The following C15orf40 variants were observed in gnomAD, a reference collection of about 807,000 sequenced individuals.
C15orf40 encodes the protein chromosome 15 open reading frame 40, also known as UPF0235 protein C15orf40.
In C15orf40, 9 loss-of-function variants were observed where a neutral mutation model predicts 13.9. The observed-to-expected ratio is 0.65, with a 90% CI of 0.39 to 1.13. The LOEUF (loss-of-function observed/expected upper bound fraction) is 1.13, where lower values mean the gene tolerates loss of function less well. Among genes scored for constraint, C15orf40 ranks in the 50% most tolerant of loss-of-function variants. The probability of loss-of-function intolerance (pLI) is 0.01; values close to 1 mark genes in which losing one functional copy is unlikely to be tolerated. For synonymous variants in C15orf40, 95 were observed against 69.2 expected, an observed-to-expected ratio of 1.37 and a Z score of -1.85; for missense variants, 225 against 188.5, an observed-to-expected ratio of 1.19 and a Z score of -1.13.
rs1179716878 is a variant in C15orf40 at position 82,995,245 on chromosome 15, A to G, written c.*10352T>C. ...AGTGGCCCTGGGCCAGGCTGGCTGC[A>G]TGGGTCCCAATCAGTGGGGCTGCAC... On this transcript the variant is annotated 3_prime_UTR_variant, in exon 4 of 4. Coordinates refer to ENST00000304177, the MANE Select transcript of C15orf40 (RefSeq NM_144597.3). 6.6e-6 allele frequency: 1 copy of G among 151,742 alleles called. No individual in the cohort carries two copies. The highest frequency in any genetic ancestry group is 6.5e-5 in the Admixed American group (1 of 15,274). 9.4% of individuals were successfully genotyped at this position (151,742 alleles called of 1,614,324 possible).
rs2031003922 is a variant in C15orf40 at position 82,995,186 on chromosome 15, A to G, written c.*10411T>C. ...TTGAGGAAAATAAGGATGGAAGTAG[A>G]GATCCCTTGACTTGTGCACATTCTG... On this transcript the variant is annotated 3_prime_UTR_variant, in exon 4 of 4. Coordinates refer to ENST00000304177, the MANE Select transcript of C15orf40 (RefSeq NM_144597.3). The G allele has an allele frequency of 6.6e-6, 1 of 152,224 alleles. No individual in the cohort carries two copies. The allele number at this position is 152,224 out of a possible 1,614,324, so 9.4% of individuals were successfully genotyped here.
At chr15:82,990,723 ACAT>A, downstream of C15orf40, 2 of 1,305,082 alleles carry the variant, frequency 1.5e-6, no homozygotes, top group Non-Finnish European at 2.2e-6. Flanking sequence ...ATAAGGGTAC[ACAT>A]CATTTTATAC....
downstream of C15orf40, chr15:82,990,748 C>G: frequency 9.1e-7 from 1 of 1,098,190 alleles, no homozygotes; most frequent in Admixed American, 2.1e-5. Flanking sequence ...AACACTAAAG[C>G]TTTTTGCTAA....
At chr15:82,991,015 T>C (rs2030838920), downstream of C15orf40, 1 of 174,444 alleles carries the variant, frequency 5.7e-6, no homozygotes, top group Non-Finnish European at 1.2e-5. Context: ...AATGATTTCA[T>C]TCAAATAAAA....
chr15:83,008,972 C>G (rs1400242274), intron 2 of C15orf40, among the ~76,000 whole-genome samples: 1 of 152,118 alleles, frequency 6.6e-6, no homozygotes, highest in Non-Finnish European at 1.5e-5. Flanking sequence ...CTGGAAATTG[C>G]CCTTGGTATG....
Position 83,005,313 on chromosome 15 carries a change from T to A in C15orf40, c.*284A>T. The A allele has an allele frequency of 2.1e-6, 2 of 971,836 alleles. No individual in the cohort carries two copies. Among genetic ancestry groups the A allele is most frequent in the South Asian group, 7.4e-5 (2 of 27,088 alleles). The allele number at this position is 971,836 out of a possible 1,614,324, so 60.2% of individuals were successfully genotyped here. On this transcript the variant is annotated 3_prime_UTR_variant, in exon 4 of 4. Coordinates refer to ENST00000304177, the MANE Select transcript of C15orf40 (RefSeq NM_144597.3). Reference sequence around the variant, plus strand: ...TCTTTTTTTTCGGGGGGAGAGAGTTTCACTCTTGTTGCCCAGGCTGGAGTG... The same window carrying A: ...TCTTTTTTTTCGGGGGGAGAGAGTTACACTCTTGTTGCCCAGGCTGGAGTG...
intron 3 of C15orf40, chr15:83,007,933 T>C (rs533062583): frequency 1.0e-4 from 16 of 153,194 alleles, no homozygotes; most frequent in Middle Eastern, 3.3e-3. Context: ...GGCTCACGCC[T>C]GTAATCCCAG....
chr15:82,991,193 A>C (rs987005472), downstream of C15orf40: 2 of 152,870 alleles, frequency 1.3e-5, no homozygotes, highest in Non-Finnish European at 2.9e-5. Flanking sequence ...ACATAGGTCA[A>C]AGGAATTAAC....
In C15orf40 at chr15:83,008,541, G is replaced by C. The variant is rs201017968; in HGVS notation, c.366+7C>G. The C allele has an allele frequency of 1.9e-6, 3 of 1,611,542 alleles. No homozygotes were observed. The highest frequency in any genetic ancestry group is 2.5e-6 in the Non-Finnish European group (3 of 1,179,126). On this transcript the variant is annotated splice_region_variant and intron_variant, in intron 3 of 3. Coordinates refer to ENST00000304177, the MANE Select transcript of C15orf40 (RefSeq NM_144597.3). ...CTCAAAAAAAAAAAAAAGAGAGCGA[G>C]ACCTACCTTATCCAAAACCACATCA...
Position 82,995,347 on chromosome 15 carries a change from G to C in C15orf40, c.*10250C>G, listed in dbSNP as rs1162241671. 6.6e-6 allele frequency: 1 copy of C among 152,300 alleles called. No homozygotes were observed. The highest frequency in any genetic ancestry group is 1.5e-5 in the Non-Finnish European group (1 of 68,100). 9.4% of individuals were successfully genotyped at this position (152,300 alleles called of 1,614,324 possible). ...ACACTGCTGAGGCCTCTGGGTGCCA[G>C]AGAAACATCTTGCTTCTGAGGAATT... On this transcript the variant is annotated 3_prime_UTR_variant, in exon 4 of 4. Transcript: ENST00000304177.
intron 1 of C15orf40, 151 bp downstream of exon 1, chr15:83,011,345 TG>T: frequency 1.2e-6 from 1 of 818,384 alleles, no homozygotes; most frequent in Non-Finnish European, 1.8e-6. Context: ...GCCGCAGCTC[TG>T]GGGGTGGCGG....
chr15:82,989,091 G>T, downstream of C15orf40: 2 of 1,613,848 alleles, frequency 1.2e-6, no homozygotes, highest in Non-Finnish European at 1.7e-6. Flanking sequence ...AAATGACAAG[G>T]AGTATCAGGA....
rs1317806749 is a variant in C15orf40, at chr15:83,003,318, G to A, written c.*2279C>T. 2 of 151,928 alleles carry A rather than the reference G, an allele frequency of 1.3e-5. No individual in the cohort carries two copies. The highest frequency in any genetic ancestry group is 6.6e-5 in the Admixed American group (1 of 15,226). 9.4% of individuals were successfully genotyped at this position (151,928 alleles called of 1,614,324 possible). On this transcript the variant is annotated 3_prime_UTR_variant, in exon 4 of 4. Coordinates refer to ENST00000304177, the MANE Select transcript of C15orf40 (RefSeq NM_144597.3). ...TTTTTTGTATTTTTAGTAGAGATGGGGTTTCTCCATGTTGGTCAGGCTGGT... is the reference window on the plus strand; with the variant it reads ...TTTTTTGTATTTTTAGTAGAGATGGAGTTTCTCCATGTTGGTCAGGCTGGT...
At chr15:82,990,732 T>A (rs2030822662), downstream of C15orf40, 3 of 1,232,418 alleles carry the variant, frequency 2.4e-6, no homozygotes, top group South Asian at 3.9e-5. Flanking sequence ...CACATCATTT[T>A]ATACAAACAC....
Position 83,010,758 on chromosome 15 carries a change from GA to G in C15orf40, c.112-396del, listed in dbSNP as rs553899264. ...TGTCTGCATGTTGCGGGAAAGGGAGGAAAAAAAAATAGTGCTTGATATTTAA... is the reference window on the plus strand; with the variant it reads ...TGTCTGCATGTTGCGGGAAAGGGAGGAAAAAAAATAGTGCTTGATATTTAA... On this transcript the variant is annotated intron_variant, in intron 1 of 3. Coordinates refer to ENST00000304177, the MANE Select transcript of C15orf40 (RefSeq NM_144597.3). 213 of 162,818 alleles carry G rather than the reference GA, an allele frequency of 1.3e-3. 3 individuals carry two copies. The South Asian group carries it at 0.028, about 21-fold the overall frequency. The allele number at this position is 162,818 out of a possible 1,614,324, so 10.1% of individuals were successfully genotyped here.
At position 83,004,220 on chromosome 15, in the gene C15orf40, C is replaced by T. The variant is rs934636289; in HGVS notation, c.*1377G>A. On this transcript the variant is annotated 3_prime_UTR_variant, in exon 4 of 4. Coordinates refer to ENST00000304177, the MANE Select transcript of C15orf40 (RefSeq NM_144597.3). ...CAAACTCCTGGGCTCAAGTGTTCCT[C>T]CTGCCTCAACCTTCCAAAGCGCTGG... The T allele has an allele frequency of 1.2e-5, 8 of 661,500 alleles. No individual in the cohort carries two copies. The highest frequency in any genetic ancestry group is 1.1e-5 in the Non-Finnish European group (6 of 534,186). 41.0% of individuals were successfully genotyped at this position (661,500 alleles called of 1,614,324 possible).
rs866077472 is a variant in C15orf40 at position 83,004,974 on chromosome 15, T to C, written c.*623A>G. 4.3e-5 allele frequency: 55 copies of C among 1,280,380 alleles called. No individual in the cohort carries two copies. Among genetic ancestry groups the C allele is most frequent in the Non-Finnish European group, 5.4e-5 (52 of 969,126 alleles). 79.3% of individuals were successfully genotyped at this position (1,280,380 alleles called of 1,614,324 possible). A position where few individuals can be genotyped will look rare whatever the true frequency, so the allele number is the denominator to read the frequency against. Reference sequence around the variant, plus strand: ...AATCTTGAGTAAGTCTCTCAACTTCTGGATATAGGAAATCAAAGGCCCCCC... The same window carrying C: ...AATCTTGAGTAAGTCTCTCAACTTCCGGATATAGGAAATCAAAGGCCCCCC... On this transcript the variant is annotated 3_prime_UTR_variant, in exon 4 of 4. Transcript: ENST00000304177.
At position 82,994,923 on chromosome 15, in the gene C15orf40, T is replaced by C. The variant is rs557310058; in HGVS notation, c.*10674A>G. On this transcript the variant is annotated 3_prime_UTR_variant, in exon 4 of 4. Coordinates refer to ENST00000304177, the MANE Select transcript of C15orf40 (RefSeq NM_144597.3). ...CCAGTAGCAGAAAATACTCTTGACA[T>C]TGGCAGAAGTGAATATTGTTAATAT... 206 of 152,310 alleles carry C rather than the reference T, an allele frequency of 1.4e-3. 1 individual carries two copies. Among genetic ancestry groups the C allele is most frequent in the African/African-American group, 4.7e-3 (194 of 41,568 alleles). 9.4% of individuals were successfully genotyped at this position (152,310 alleles called of 1,614,324 possible). A position where few individuals can be genotyped will look rare whatever the true frequency, so the allele number is the denominator to read the frequency against.
At chr15:82,991,961 A>G, downstream of C15orf40, 1 of 1,264,866 alleles carries the variant, frequency 7.9e-7, no homozygotes, top group Non-Finnish European at 1.0e-6. Context: ...CACACCTGTT[A>G]TCCCAGCACT....
Sources: allele counts gnomAD v4.1 joint callset (sites outside exome capture counted in the v4.1 genomes callset), GRCh38; gene constraint gnomAD v4.1.1; transcripts MANE v1.5; gene names NCBI Gene and HGNC (gene_info 2026-07-23, HGNC 2026-07-21).